CCDC91: variants seen among roughly 807,000 people sequenced by gnomAD.
CCDC91 encodes the protein coiled-coil domain-containing protein 91.
A neutral mutation model predicts 63.2 loss-of-function variants in CCDC91; 48 were observed. The ratio of observed to expected loss-of-function variants is 0.76; its 90% CI spans 0.60 to 0.97. CCDC91 has a LOEUF of 0.97. Ranked by LOEUF, CCDC91 falls within the 50% of genes least tolerant of loss-of-function variation. The probability of loss-of-function intolerance (pLI) is 0.00; values close to 1 mark genes in which losing one functional copy is unlikely to be tolerated. For missense variants in CCDC91, 500 were observed against 494.6 expected (o/e 1.01, Z -0.10); for synonymous variants, 167 against 165.8 (o/e 1.01, Z -0.06).
At chr12:28,531,276 A>G (rs1449051962) in intron 12 of CCDC91, among the ~76,000 whole-genome samples, 1 of 152,180 alleles carries the variant, frequency 6.6e-6, no homozygotes, top group African/African-American at 2.4e-5. Flanking sequence ...AGATCTAACA[A>G]AGTTTGGAAA....
chr12:28,330,906 A>G (rs1941447289), intron 6 of CCDC91, among the ~76,000 whole-genome samples: 1 of 152,186 alleles, frequency 6.6e-6, no homozygotes, highest in African/African-American at 2.4e-5. Flanking sequence ...AAACAAACCA[A>G]AAACCCCTCA....
intron 12 of CCDC91, among the ~76,000 whole-genome samples, chr12:28,536,305 A>G (rs772660243): frequency 1.3e-5 from 2 of 152,200 alleles, no homozygotes; most frequent in African/African-American, 2.4e-5. Flanking sequence ...CTAAAATGCT[A>G]CCAATTGTGG....
At chr12:28,423,787 G>A (rs543662173) in intron 8 of CCDC91, among the ~76,000 whole-genome samples, 243 of 152,198 alleles carry the variant, frequency 1.6e-3, no homozygotes, top group Non-Finnish European at 3.0e-3. Flanking sequence ...TAATTTAATT[G>A]TGTGTAATTG....
At chr12:28,414,151 A>G (rs1323529229) in intron 8 of CCDC91, among the ~76,000 whole-genome samples, 15 of 151,876 alleles carry the variant, frequency 9.9e-5, no homozygotes, top group African/African-American at 3.4e-4. Flanking sequence ...ATACATCAAA[A>G]CTCGTTTGTC....
At chr12:28,441,630 G>A (rs988636341) in intron 8 of CCDC91, among the ~76,000 whole-genome samples, 1 of 146,494 alleles carries the variant, frequency 6.8e-6, no homozygotes, top group Non-Finnish European at 1.5e-5. Context: ...TCTCATATGT[G>A]TATATATATC....
intron 7 of CCDC91, among the ~76,000 whole-genome samples, chr12:28,377,888 C>T (rs1365315902): frequency 1.3e-5 from 2 of 151,924 alleles, no homozygotes; most frequent in African/African-American, 4.8e-5. Flanking sequence ...CCAGTCAATG[C>T]TGGTCACTTG....
At chr12:28,306,324 C>T (rs571685036) in intron 4 of CCDC91, among the ~76,000 whole-genome samples, 2 of 152,024 alleles carry the variant, frequency 1.3e-5, no homozygotes, top group African/African-American at 2.4e-5. Context: ...GTTAATTTTG[C>T]GAGACAGTGG....
At chr12:28,416,041 G>T (rs545431614) in intron 8 of CCDC91, among the ~76,000 whole-genome samples, 7 of 151,594 alleles carry the variant, frequency 4.6e-5, no homozygotes, top group African/African-American at 1.5e-4. Context: ...GGCTCTTAGC[G>T]TTTTTTGTTA....
In CCDC91 at chr12:28,489,364, C is replaced by A. The variant is rs564606285; in HGVS notation, c.1215+5199C>A. ...AAAATGAGATGGGAAAGAATACATCCCTGACACTTCCCTAGGGAGGAATAA... is the reference window on the plus strand; with the variant it reads ...AAAATGAGATGGGAAAGAATACATCACTGACACTTCCCTAGGGAGGAATAA... On this transcript the variant is annotated intron_variant, in intron 12 of 12. Coordinates refer to ENST00000536442, the MANE Select transcript of CCDC91 (RefSeq NM_018318.5). Among the ~76,000 whole-genome samples, 3 of 151,794 alleles carry A rather than the reference C, an allele frequency of 2.0e-5. No individual in the cohort carries two copies. In the South Asian group the frequency reaches 6.2e-4, roughly 32 times the overall value.
chr12:28,511,112 A>G lies in CCDC91; in HGVS notation c.1215+26947A>G, dbSNP rs1189955911. ...TGTATCCCCTGTAGCCCAAGTCACT[A>G]TGAACTTTCACCAGGTCAAATCTGT... On this transcript the variant is annotated intron_variant, in intron 12 of 12. Coordinates refer to ENST00000536442, the MANE Select transcript of CCDC91 (RefSeq NM_018318.5). Among the ~76,000 whole-genome samples, 6 of 151,900 alleles carry G rather than the reference A, an allele frequency of 3.9e-5. 1 individual carries two copies. The South Asian group carries it at 1.0e-3, about 26-fold the overall frequency.
chr12:28,466,519 T>A (rs1048404804), intron 11 of CCDC91, among the ~76,000 whole-genome samples: 7 of 152,098 alleles, frequency 4.6e-5, no homozygotes, highest in African/African-American at 1.7e-4. Context: ...TGGCAGCAGA[T>A]TTTTCAGTGG....
chr12:28,542,311 G>A (rs1421547062), intron 12 of CCDC91, among the ~76,000 whole-genome samples: 1 of 151,924 alleles, frequency 6.6e-6, no homozygotes, highest in African/African-American at 2.4e-5. Context: ...CTTTAGTTGT[G>A]GTCAAAAGGT....
chr12:28,408,384 A>G (rs556450318), intron 8 of CCDC91, among the ~76,000 whole-genome samples: 7 of 152,252 alleles, frequency 4.6e-5, no homozygotes, highest in African/African-American at 1.4e-4. Context: ...CAGTCTATCA[A>G]TGATGGACAT....
chr12:28,230,406 AT>A (rs997582056), intron 1 of CCDC91, among the ~76,000 whole-genome samples: 1 of 152,180 alleles, frequency 6.6e-6, no homozygotes, highest in African/African-American at 2.4e-5. Flanking sequence ...ATAATATTAA[AT>A]AGTGGTATTT....
At chr12:28,406,927 T>C (rs998045235) in intron 8 of CCDC91, among the ~76,000 whole-genome samples, 1 of 152,098 alleles carries the variant, frequency 6.6e-6, no homozygotes, top group Admixed American at 6.6e-5. Context: ...CCCACACAAA[T>C]CTCATGTTGA....
At chr12:28,200,270 A>G (rs895967023) in intron 1 of CCDC91, among the ~76,000 whole-genome samples, 2 of 143,080 alleles carry the variant, frequency 1.4e-5, no homozygotes, top group African/African-American at 2.6e-5. Context: ...TAGCTTTTCT[A>G]TGTTTCTTTT....
At position 28,463,134 on chromosome 12, in the gene CCDC91, C is replaced by T. The variant is rs565371627; in HGVS notation, c.1101+10480C>T. Among the ~76,000 whole-genome samples the T allele has an allele frequency of 1.7e-4, 26 of 152,164 alleles. No individual in the cohort carries two copies. In the East Asian group the frequency reaches 3.7e-3, roughly 21 times the overall value. ...TTTTCAAAGATATTACAGTGAACTA[C>T]AGAAATATGTCAAATTTATAAATTG... On this transcript the variant is annotated intron_variant, in intron 11 of 12. Coordinates refer to ENST00000536442, the MANE Select transcript of CCDC91 (RefSeq NM_018318.5).
intron 12 of CCDC91, among the ~76,000 whole-genome samples, chr12:28,517,375 C>T (rs955577564): frequency 1.3e-5 from 2 of 151,824 alleles, no homozygotes; most frequent in African/African-American, 4.8e-5. Context: ...AGAGTCCAAG[C>T]CCTAAATGTT....
At chr12:28,319,174 T>G (rs1179374974) in intron 6 of CCDC91, among the ~76,000 whole-genome samples, 4 of 151,968 alleles carry the variant, frequency 2.6e-5, no homozygotes, top group Non-Finnish European at 5.9e-5. Flanking sequence ...TCAAGTAAAC[T>G]GTTTCGGTGA....
Sources: allele counts gnomAD v4.1 joint callset (sites outside exome capture counted in the v4.1 genomes callset), GRCh38; gene constraint gnomAD v4.1.1; transcripts MANE v1.5; gene names NCBI Gene and HGNC (gene_info 2026-07-23, HGNC 2026-07-21).